MIPEP: variants seen among roughly 807,000 people sequenced by gnomAD.
MIPEP encodes mitochondrial intermediate peptidase.
A neutral mutation model predicts 90.3 loss-of-function variants in MIPEP; 79 were observed. That is an observed-to-expected ratio of 0.87 (90% CI 0.73 to 1.05). The LOEUF is 1.05. MIPEP is among the 50% of genes least tolerant of loss of function. The pLI is 0.00. For synonymous variants in MIPEP, 334 were observed against 315.8 expected, an observed-to-expected ratio of 1.06 and a Z score of -0.61; for missense variants, 940 against 905.6, an observed-to-expected ratio of 1.04 and a Z score of -0.49.
intron 16 of MIPEP, among the ~76,000 whole-genome samples, chr13:23,784,241 T>G (rs1227044448): frequency 1.3e-5 from 2 of 152,092 alleles, no homozygotes; most frequent in African/African-American, 2.4e-5. Context: ...CAAACTATAC[T>G]ACAAGGCTAC....
chr13:23,851,380 C>T (rs1393534852), intron 10 of MIPEP, among the ~76,000 whole-genome samples: 1 of 152,192 alleles, frequency 6.6e-6, no homozygotes, highest in African/African-American at 2.4e-5. Flanking sequence ...TGACGCTTTA[C>T]AAAGAGAAAG....
chr13:23,740,803 A>G (rs939540909), intron 18 of MIPEP, among the ~76,000 whole-genome samples: 5 of 152,224 alleles, frequency 3.3e-5, no homozygotes, highest in African/African-American at 2.4e-5. Context: ...GTGTGGCAGG[A>G]GGTGTGAGGG....
intron 1 of MIPEP, chr13:23,888,739 G>A (rs534229234): frequency 3.0e-6 from 3 of 1,016,726 alleles, no homozygotes; most frequent in Non-Finnish European, 3.5e-6. Flanking sequence ...GCCTGTGAAC[G>A]CACAGGGATA....
rs771242899 is a variant in MIPEP at position 23,879,367 on chromosome 13, G to A, written c.453-13C>T. The A allele has an allele frequency of 9.4e-6, 13 of 1,389,282 alleles. No individual in the cohort carries two copies. The South Asian group carries it at 1.6e-4, about 17-fold the overall frequency. 86.1% of individuals were successfully genotyped at this position (1,389,282 alleles called of 1,614,324 possible). A position where few individuals can be genotyped will look rare whatever the true frequency, so the allele number is the denominator to read the frequency against. The stretch of plus-strand genomic sequence containing the variant: ...ATTTGTGTTCAACCTAGAAAAAATA[G>A]AAATTTAAAAAATTAGATGATTTTC... On this transcript the variant is annotated splice_polypyrimidine_tract_variant and intron_variant, in intron 3 of 18. Coordinates refer to ENST00000382172, the MANE Select transcript of MIPEP (RefSeq NM_005932.4).
At chr13:23,815,785 T>C (rs1158984000) in intron 14 of MIPEP, among the ~76,000 whole-genome samples, 1 of 152,232 alleles carries the variant, frequency 6.6e-6, no homozygotes, top group Non-Finnish European at 1.5e-5. Flanking sequence ...ATTAATATCT[T>C]CGATATTTCA....
At position 23,837,717 on chromosome 13, in the gene MIPEP, C is replaced by T; in HGVS notation, c.1378G>A (p.Asp460Asn). ...FTIRGGRLKE[D>N]GDYQLPVVVL... ...ACAACTGGGAGTTGATAGTCTCCAT[C>T]TTCCTTTAGTCTGCCTCCACGGATA... is the stretch of plus-strand genomic sequence containing the variant. The change falls in exon 13 of 19, where the codon GAT (aspartate) becomes AAT (asparagine). Residue 460 changes from aspartate (D) to asparagine (N), a missense_variant. By Grantham distance (23) the Asp-to-Asn change is conservative (BLOSUM62 1). Transcript: ENST00000382172. The T allele has an allele frequency of 6.2e-7, 1 of 1,614,084 alleles. No individual in the cohort carries two copies. Among genetic ancestry groups the T allele is most frequent in the Non-Finnish European group, 8.5e-7 (1 of 1,179,902 alleles).
intron 16 of MIPEP, among the ~76,000 whole-genome samples, chr13:23,797,099 T>A (rs1050229958): frequency 1.3e-5 from 2 of 152,206 alleles, no homozygotes; most frequent in Non-Finnish European, 2.9e-5. Flanking sequence ...GTTTTGCTGG[T>A]ACTTGAGAAA....
chr13:23,840,114 C>T (rs1329558056), intron 11 of MIPEP, among the ~76,000 whole-genome samples: 1 of 152,056 alleles, frequency 6.6e-6, no homozygotes, highest in Non-Finnish European at 1.5e-5. Context: ...AAATTATAAC[C>T]CTTGAATTTG....
chr13:23,838,454 G>A (rs1485000269), intron 12 of MIPEP, among the ~76,000 whole-genome samples: 1 of 152,050 alleles, frequency 6.6e-6, no homozygotes, highest in Non-Finnish European at 1.5e-5. Context: ...AGCCTCTCTT[G>A]ACTTTTATCA....
chr13:23,869,982 C>A, intron 6 of MIPEP, 31 bp downstream of exon 6: 1 of 1,507,108 alleles, frequency 6.6e-7, no homozygotes, highest in Non-Finnish European at 8.9e-7. Context: ...CAAATGGGAC[C>A]TAAACAACAA....
intron 11 of MIPEP, among the ~76,000 whole-genome samples, chr13:23,840,671 G>A (rs749515521): frequency 5.3e-5 from 8 of 152,140 alleles, no homozygotes; most frequent in Non-Finnish European, 1.0e-4. Flanking sequence ...GAGAGACAAT[G>A]AGACTGTTTA....
intron 1 of MIPEP, chr13:23,888,874 A>G: frequency 1.7e-6 from 1 of 596,310 alleles, no homozygotes; most frequent in Non-Finnish European, 2.4e-6. Context: ...AACTATTCAG[A>G]TTCACGTGGA....
At chr13:23,808,717 T>C (rs1023343728) in intron 15 of MIPEP, among the ~76,000 whole-genome samples, 21 of 152,196 alleles carry the variant, frequency 1.4e-4, no homozygotes, top group African/African-American at 4.8e-4. Flanking sequence ...TTTTTAAAAA[T>C]AACTCAGAAA....
At chr13:23,850,444 T>G (rs955941450) in intron 10 of MIPEP, among the ~76,000 whole-genome samples, 5 of 152,236 alleles carry the variant, frequency 3.3e-5, no homozygotes, top group Non-Finnish European at 7.3e-5. Context: ...GCTAATTTGG[T>G]TCTGTCTTGA....
chr13:23,811,952 A>C (rs1953175950), intron 14 of MIPEP, among the ~76,000 whole-genome samples: 1 of 151,130 alleles, frequency 6.6e-6, no homozygotes, highest in Admixed American at 6.6e-5. Flanking sequence ...GCTATGATTA[A>C]ACTGTTTGTT....
At chr13:23,807,939 T>G (rs895087165) in intron 15 of MIPEP, among the ~76,000 whole-genome samples, 1 of 152,196 alleles carries the variant, frequency 6.6e-6, no homozygotes, top group Admixed American at 6.5e-5. Flanking sequence ...TTTATGCTTA[T>G]TTGCTGATAA....
intron 18 of MIPEP, among the ~76,000 whole-genome samples, chr13:23,755,996 T>C (rs1279546056): frequency 6.6e-6 from 1 of 152,160 alleles, no homozygotes; most frequent in Non-Finnish European, 1.5e-5. Flanking sequence ...ATAAAAAATT[T>C]TTCTATTAGA....
In MIPEP at chr13:23,830,232, T is replaced by C. The variant is rs529541751; in HGVS notation, c.1653+6008A>G. On this transcript the variant is annotated intron_variant, in intron 14 of 18. Transcript: ENST00000382172. ...AGTAAATAAATGATGGAATATTATCTGCAATTGAAATAAATACACTGCAGC... is the reference window on the plus strand; with the variant it reads ...AGTAAATAAATGATGGAATATTATCCGCAATTGAAATAAATACACTGCAGC... 2.0e-5 allele frequency among the ~76,000 whole-genome samples: 3 copies of C among 152,336 alleles called. No homozygotes were observed. In the South Asian group the frequency reaches 6.2e-4, roughly 32 times the overall value.
chr13:23,858,553 A>G (rs1022851160), intron 10 of MIPEP, among the ~76,000 whole-genome samples: 4 of 151,778 alleles, frequency 2.6e-5, no homozygotes, highest in African/African-American at 9.7e-5. Flanking sequence ...CAGTAAACAC[A>G]TGCTGAGCCC....
Sources: gnomAD v4.1 joint callset for allele counts (sites outside exome capture counted in the v4.1 genomes callset) on GRCh38, gnomAD v4.1.1 for gene constraint, MANE v1.5 for transcripts, NCBI Gene and HGNC (gene_info 2026-07-23, HGNC 2026-07-21) for gene names.